The following SFMBT2 variants were observed in gnomAD, a reference collection of about 807,000 sequenced individuals.
SFMBT2 encodes the protein Scm like with four mbt domains 2.
A neutral mutation model predicts 110.1 loss-of-function variants in SFMBT2; 38 were observed. The ratio of observed to expected loss-of-function variants is 0.35; its 90% confidence interval spans 0.27 to 0.45. The LOEUF (loss-of-function observed/expected upper bound fraction) is 0.45. Among genes scored for constraint, SFMBT2 ranks in the 20% least tolerant of loss-of-function variants. SFMBT2 has a pLI of 1.00. For missense variants in SFMBT2, 1,011 were observed against 1,094.9 expected (o/e 0.92, Z 1.08); for synonymous variants, 425 against 425.4 (o/e 1.00, Z 0.01).
chr10:7,173,424 G>A (rs1314691328), intron 17 of SFMBT2, among the ~76,000 whole-genome samples: 1 of 152,202 alleles, frequency 6.6e-6, no homozygotes, highest in Non-Finnish European at 1.5e-5. Flanking sequence ...GTCCGACCAA[G>A]ATAAGCTATG....
At chr10:7,354,103 T>C (rs964096434) in intron 4 of SFMBT2, among the ~76,000 whole-genome samples, 2 of 149,366 alleles carry the variant, frequency 1.3e-5, no homozygotes, top group South Asian at 2.1e-4. Flanking sequence ...AAAAAAAATA[T>C]AAATAAAACA....
Position 7,172,035 on chromosome 10 carries a change from TC to T in SFMBT2, c.2274del (p.Arg759GlyfsTer72). The T allele has an allele frequency of 6.3e-7, 1 of 1,589,636 alleles. No homozygotes were observed. Among genetic ancestry groups the T allele is most frequent in the Admixed American group, 1.7e-5 (1 of 57,210 alleles). ...SSAEVPSARP[R>X]RAVTLRSGSE... Reference sequence around the variant, plus strand: ...GAGCCGCTCCGCAGGGTGACGGCCCTCCGGGGCCGGGCCGAGGGCACCTCCG... The same window carrying T: ...GAGCCGCTCCGCAGGGTGACGGCCCTCGGGGCCGGGCCGAGGGCACCTCCG... On this transcript the variant is annotated frameshift_variant, in exon 19 of 21. Coordinates refer to ENST00000397167, the MANE Select transcript of SFMBT2 (RefSeq NM_001387889.1). LOFTEE classifies it high-confidence loss of function. This position sits in a 1 kb window ranked among gnomAD's most constrained non-coding sequence, Gnocchi z 4.6.
At chr10:7,199,831 A>T (rs1333985849) in intron 14 of SFMBT2, among the ~76,000 whole-genome samples, 1 of 152,174 alleles carries the variant, frequency 6.6e-6, no homozygotes, top group Non-Finnish European at 1.5e-5. Flanking sequence ...TAGAGAATAG[A>T]CTTTTTAATC....
In SFMBT2 at chr10:7,371,836, G is replaced by A. The variant is rs145814349; in HGVS notation, c.101-1461C>T. Among the ~76,000 whole-genome samples the A allele has an allele frequency of 2.7e-4, 41 of 151,614 alleles. No individual in the cohort carries two copies. The East Asian group carries it at 4.1e-3, about 15-fold the overall frequency. On this transcript the variant is annotated intron_variant, in intron 2 of 20. Coordinates refer to ENST00000397167, the MANE Select transcript of SFMBT2 (RefSeq NM_001387889.1). ...TGTGGCTGGTAGAGAACTGATATCC[G>A]ATCCTATCAGATAGGCCAGGGGACA...
chr10:7,405,959 T>G (rs1303365832), intron 1 of SFMBT2, among the ~76,000 whole-genome samples: 1 of 151,894 alleles, frequency 6.6e-6, no homozygotes, highest in East Asian at 1.9e-4. Flanking sequence ...TTTTTTTTTT[T>G]TTAATTTGTA....
chr10:7,315,857 T>C (rs1291276620), intron 4 of SFMBT2, among the ~76,000 whole-genome samples: 2 of 152,218 alleles, frequency 1.3e-5, no homozygotes. Context: ...GCTAGAAGTC[T>C]TAATGTAAAA....
chr10:7,382,604 C>G (rs188760172), intron 1 of SFMBT2, among the ~76,000 whole-genome samples: 1 of 151,558 alleles, frequency 6.6e-6, no homozygotes, highest in Non-Finnish European at 1.5e-5. Flanking sequence ...AAGACACTCC[C>G]CCCGCCTTGA....
chr10:7,242,667 G>A (rs1383575503), intron 9 of SFMBT2, among the ~76,000 whole-genome samples: 1 of 152,186 alleles, frequency 6.6e-6, no homozygotes, highest in Admixed American at 6.5e-5. Flanking sequence ...GCCCAGCAGA[G>A]TACAGTCATA....
At chr10:7,268,167 A>G (rs887443303) in intron 7 of SFMBT2, among the ~76,000 whole-genome samples, 1 of 152,192 alleles carries the variant, frequency 6.6e-6, no homozygotes, top group Non-Finnish European at 1.5e-5. Context: ...ATAGGCTTTT[A>G]TTTTCTAGTC....
At chr10:7,313,515 GC>G (rs1321314925) in intron 4 of SFMBT2, among the ~76,000 whole-genome samples, 1 of 152,146 alleles carries the variant, frequency 6.6e-6, no homozygotes, top group Non-Finnish European at 1.5e-5. Context: ...ACAGAGTTTC[GC>G]CATGTTGCCT....
At chr10:7,339,014 C>T (rs1230698372) in intron 4 of SFMBT2, among the ~76,000 whole-genome samples, 2 of 152,110 alleles carry the variant, frequency 1.3e-5, no homozygotes, top group Non-Finnish European at 2.9e-5. Context: ...CTGAGGTGGG[C>T]AGATCATCTG....
At chr10:7,164,522 G>C (rs550413902) in intron 20 of SFMBT2, 1 of 840,500 alleles carries the variant, frequency 1.2e-6, no homozygotes, top group Non-Finnish European at 1.4e-6. Context: ...TGCTTCCCAA[G>C]CTTATCGCCC....
At chr10:7,260,674 A>G (rs1390645021) in intron 7 of SFMBT2, among the ~76,000 whole-genome samples, 3 of 152,134 alleles carry the variant, frequency 2.0e-5, no homozygotes, top group African/African-American at 7.2e-5. Context: ...ACTGGTTCTA[A>G]TTCTACACAG....
rs765728883 is a variant in SFMBT2 at position 7,161,851 on chromosome 10, A to T, written c.*1919T>A. ...TATCTGGAAATGTCACAGAAATGCA[A>T]GCAGCTCATCAGCCCACCGCAGAAT... On this transcript the variant is annotated 3_prime_UTR_variant, in exon 21 of 21. Coordinates refer to ENST00000397167, the MANE Select transcript of SFMBT2 (RefSeq NM_001387889.1). 6.6e-6 allele frequency: 1 copy of T among 152,210 alleles called. No individual in the cohort carries two copies. Among genetic ancestry groups the T allele is most frequent in the East Asian group, 1.9e-4 (1 of 5,196 alleles). 9.4% of individuals were successfully genotyped at this position (152,210 alleles called of 1,614,324 possible). A position where few individuals can be genotyped will look rare whatever the true frequency, so the allele number is the denominator to read the frequency against.
At chr10:7,193,881 CAT>C (rs1308211138) in intron 15 of SFMBT2, among the ~76,000 whole-genome samples, 1 of 152,208 alleles carries the variant, frequency 6.6e-6, no homozygotes, top group East Asian at 1.9e-4. Flanking sequence ...CCTGATATGA[CAT>C]AGATCATGGT....
chr10:7,162,930 C>G lies in SFMBT2; in HGVS notation c.*840G>C, dbSNP rs1837586052. Reference sequence around the variant, plus strand: ...CTAGCCTGACCAACATGGTGAAACCCTGTCTCTACCAAAAATACAAAAATT... The same window carrying G: ...CTAGCCTGACCAACATGGTGAAACCGTGTCTCTACCAAAAATACAAAAATT... On this transcript the variant is annotated 3_prime_UTR_variant, in exon 21 of 21. Coordinates refer to ENST00000397167, the MANE Select transcript of SFMBT2 (RefSeq NM_001387889.1). 1 of 152,574 alleles carries G rather than the reference C, an allele frequency of 6.6e-6. No homozygotes were observed. The highest frequency in any genetic ancestry group is 1.5e-5 in the Non-Finnish European group (1 of 68,410). 9.5% of individuals were successfully genotyped at this position (152,574 alleles called of 1,614,324 possible).
intron 20 of SFMBT2, among the ~76,000 whole-genome samples, chr10:7,169,889 A>G (rs1837817168): frequency 6.6e-6 from 1 of 152,232 alleles, no homozygotes; most frequent in Non-Finnish European, 1.5e-5. Flanking sequence ...CCTTTAAGGT[A>G]GAAATTATAT....
At position 7,170,897 on chromosome 10, in the gene SFMBT2, TCAAA is replaced by T. The variant is rs1184778652; in HGVS notation, c.2544+27_2544+30del. ...ATTTCAGATGCAGAGTCTCAGCACA[TCAAA>T]CAATCGACACGCGGCAACCACCGTA... On this transcript the variant is annotated intron_variant, in intron 20 of 20. Transcript: ENST00000397167. The surrounding 1 kb of genome is among the most constrained non-coding windows in gnomAD (Gnocchi z 4.6). The T allele has an allele frequency of 6.8e-6, 11 of 1,613,680 alleles. No individual in the cohort carries two copies. The Admixed American group carries it at 1.2e-4, about 17-fold the overall frequency.
rs114998069 is a variant in SFMBT2, at chr10:7,334,695, G to A, written c.436+32954C>T. ...CGTGGCTCTTGACAAACCCACTAAC[G>A]CAGACCCGGCCCAGTGTCCCAGCGC... is the stretch of plus-strand genomic sequence containing the variant. On this transcript the variant is annotated intron_variant, in intron 4 of 20. Coordinates refer to ENST00000397167, the MANE Select transcript of SFMBT2 (RefSeq NM_001387889.1). Among the ~76,000 whole-genome samples the A allele has an allele frequency of 2.7e-3, 409 of 152,166 alleles. 3 individuals are homozygous for A. The highest frequency in any genetic ancestry group is 9.0e-3 in the African/African-American group (375 of 41,510).
Sources: gnomAD v4.1 joint callset for allele counts (sites outside exome capture counted in the v4.1 genomes callset) on GRCh38, gnomAD v4.1.1 for gene constraint, Gnocchi (gnomAD v3.1) non-coding constraint, MANE v1.5 for transcripts, NCBI Gene and HGNC (gene_info 2026-07-23, HGNC 2026-07-21) for gene names.